Variants in PIGF observed in about 807,000 individuals in gnomAD.
PIGF encodes the protein GPI ethanolamine phosphate transferase, stabilizing subunit.
In PIGF, 23 loss-of-function variants were observed where a neutral mutation model predicts 26.0. The observed-to-expected ratio is 0.88, with a 90% CI of 0.64 to 1.25. The LOEUF is 1.25. Among genes scored for constraint, PIGF ranks in the 50% most tolerant of loss-of-function variants. The pLI is 0.00. For synonymous variants in PIGF, 93 were observed against 92.6 expected (o/e 1.00, Z -0.03); for missense variants, 278 against 249.9 (o/e 1.11, Z -0.76).
rs149499692 is a variant in PIGF at position 46,614,941 on chromosome 2, T to C, written c.224A>G (p.His75Arg). The change falls in exon 2 of 6, where the codon CAC (histidine) becomes CGC (arginine). Residue 75 changes from histidine to arginine, a missense_variant. Physicochemically the swap from His to Arg is conservative, Grantham distance 29 (BLOSUM62 0). Coordinates refer to ENST00000281382, the MANE Select transcript of PIGF (RefSeq NM_002643.4). The part of the protein sequence containing the change: ...NTSSKRSSLS[H>R]KVTGFLKCCI... The stretch of plus-strand genomic sequence containing the variant: ...TTATTGAGACATAAGCCTTACCTTG[T>C]GTGATAATGAACTTCTTTTAGAGGA... 2.0e-4 allele frequency: 276 copies of C among 1,406,506 alleles called. No individual in the cohort carries two copies. In the African/African-American group the frequency reaches 3.2e-3, roughly 16 times the overall value. The allele number at this position is 1,406,506 out of a possible 1,614,324, so 87.1% of individuals were successfully genotyped here.
chr2:46,610,482 T>C (rs144889265), intron 4 of PIGF, among the ~76,000 whole-genome samples: 2 of 151,992 alleles, frequency 1.3e-5, no homozygotes, highest in Non-Finnish European at 2.9e-5. Flanking sequence ...CTAGAGACTT[T>C]ATGAATATTA....
chr2:46,592,270 A>G lies in PIGF; in HGVS notation c.546+205T>C, dbSNP rs1210914660. Among the ~76,000 whole-genome samples the G allele has an allele frequency of 3.9e-5, 6 of 152,234 alleles. No individual in the cohort carries two copies. The East Asian group carries it at 9.6e-4, about 24-fold the overall frequency. ...CTACACATGTGCAAAAAATAGTGCT[A>G]GAAGATAAAACCAGGGCTACCTAGA... On this transcript the variant is annotated intron_variant, in intron 5 of 5. Transcript: ENST00000281382.
At chr2:46,603,793 T>G (rs1020903523) in intron 4 of PIGF, among the ~76,000 whole-genome samples, 2 of 151,980 alleles carry the variant, frequency 1.3e-5, no homozygotes, top group African/African-American at 4.8e-5. Flanking sequence ...GGACACTGGA[T>G]TGGGCTAAGA....
intron 4 of PIGF, among the ~76,000 whole-genome samples, chr2:46,602,663 T>C (rs939040144): frequency 6.6e-6 from 1 of 151,904 alleles, no homozygotes; most frequent in Non-Finnish European, 1.5e-5. Flanking sequence ...TCTAAAATCT[T>C]CAGTTGACAC....
chr2:46,598,192 C>T (rs113867840), intron 4 of PIGF, among the ~76,000 whole-genome samples: 2,033 of 151,782 alleles, frequency 0.013, 21 homozygotes, highest in South Asian at 0.035. Context: ...ATTTTGACTG[C>T]CTCCTGTTCA....
chr2:46,597,410 T>G (rs920912569), intron 4 of PIGF, among the ~76,000 whole-genome samples: 3 of 149,832 alleles, frequency 2.0e-5, no homozygotes, highest in Non-Finnish European at 4.5e-5. Flanking sequence ...TTGTGGGGGG[T>G]TTTTTGTTGT....
intron 4 of PIGF, among the ~76,000 whole-genome samples, chr2:46,593,612 TTAG>T (rs1325572240): frequency 1.3e-5 from 2 of 152,210 alleles, no homozygotes; most frequent in Non-Finnish European, 2.9e-5. Flanking sequence ...TGCCATTCTC[TTAG>T]TAGGTGTTAG....
At chr2:46,582,479 A>G (rs917432434) in intron 5 of PIGF, 9 of 152,222 alleles carry the variant, frequency 5.9e-5, no homozygotes, top group Non-Finnish European at 1.3e-4. Flanking sequence ...GCCTTATTGC[A>G]TATGCCATGC....
chr2:46,594,587 G>C (rs982295720), intron 4 of PIGF, among the ~76,000 whole-genome samples: 3 of 151,006 alleles, frequency 2.0e-5, no homozygotes, highest in African/African-American at 7.3e-5. Context: ...CCAGGCTGGA[G>C]TGTAATAGAG....
intron 3 of PIGF, among the ~76,000 whole-genome samples, chr2:46,613,295 A>C (rs1000079284): frequency 3.9e-5 from 6 of 152,202 alleles, no homozygotes; most frequent in African/African-American, 1.4e-4. Context: ...ATTTGAATAC[A>C]GGAATCTATT....
chr2:46,588,320 C>G lies in PIGF; in HGVS notation c.546+4155G>C. 4 of 1,084,316 alleles carry G rather than the reference C, an allele frequency of 3.7e-6. No individual in the cohort carries two copies. Among genetic ancestry groups the G allele is most frequent in the Non-Finnish European group, 5.1e-6 (4 of 779,174 alleles). 67.2% of individuals were successfully genotyped at this position (1,084,316 alleles called of 1,614,324 possible). A position where few individuals can be genotyped will look rare whatever the true frequency, so the allele number is the denominator to read the frequency against. On this transcript the variant is annotated intron_variant, in intron 5 of 5. Coordinates refer to ENST00000281382, the MANE Select transcript of PIGF (RefSeq NM_002643.4). The surrounding 1 kb of genome is among the most constrained non-coding windows in gnomAD (Gnocchi z 4.1). ...TGGGCAGAAAAAATAAAACAACAAA[C>G]TGAGACAATTAACATATTCTCTAAT... is the stretch of plus-strand genomic sequence containing the variant.
intron 4 of PIGF, among the ~76,000 whole-genome samples, chr2:46,605,355 A>G (rs187934657): frequency 6.6e-6 from 1 of 152,246 alleles, no homozygotes; most frequent in East Asian, 1.9e-4. Context: ...TTAACTTCAC[A>G]TTAAATTAAA....
At chr2:46,597,483 G>A (rs905866902) in intron 4 of PIGF, among the ~76,000 whole-genome samples, 1 of 151,914 alleles carries the variant, frequency 6.6e-6, no homozygotes, top group Non-Finnish European at 1.5e-5. Context: ...CACGATCTTG[G>A]CTTACTGCAA....
rs1360190071 is a variant in PIGF at position 46,615,191 on chromosome 2, A to G, written c.-21-6T>C. ...GTGTTTTCTTGGATGGCTAGCTAAC[A>G]AAAAACAAGAAAAGAAGAGCATATG... On this transcript the variant is annotated splice_region_variant and splice_polypyrimidine_tract_variant and intron_variant, in intron 1 of 5. Coordinates refer to ENST00000281382, the MANE Select transcript of PIGF (RefSeq NM_002643.4). 2.7e-6 allele frequency: 3 copies of G among 1,097,612 alleles called. No individual in the cohort carries two copies. In the Admixed American group the frequency reaches 5.5e-5, roughly 20 times the overall value. The allele number at this position is 1,097,612 out of a possible 1,614,324, so 68.0% of individuals were successfully genotyped here.
At chr2:46,590,598 A>C (rs1277117441) in intron 5 of PIGF, among the ~76,000 whole-genome samples, 1 of 152,130 alleles carries the variant, frequency 6.6e-6, no homozygotes, top group African/African-American at 2.4e-5. Context: ...AATACTTTCT[A>C]TTTAGATTTA....
intron 2 of PIGF, chr2:46,614,412 A>G (rs1050050155): frequency 1.3e-5 from 2 of 153,976 alleles, no homozygotes; most frequent in Non-Finnish European, 2.9e-5. Flanking sequence ...GTAGAAAATA[A>G]TGTTAAGTGT....
intron 5 of PIGF, among the ~76,000 whole-genome samples, chr2:46,587,505 T>A (rs556392708): frequency 8.0e-4 from 121 of 152,042 alleles, no homozygotes; most frequent in South Asian, 3.1e-3. Flanking sequence ...CTGTTGAGAA[T>A]AAGTACAAAT....
At chr2:46,582,234 T>A (rs999260783) in intron 5 of PIGF, 1 of 152,072 alleles carries the variant, frequency 6.6e-6, no homozygotes, top group African/African-American at 2.4e-5. Context: ...TTAATGTTGA[T>A]TTATTTCATC....
rs558646786 is a variant in PIGF at position 46,596,795 on chromosome 2, C to T, written c.438-4212G>A. Among the ~76,000 whole-genome samples, 39 of 152,260 alleles carry T rather than the reference C, an allele frequency of 2.6e-4. 1 individual carries two copies. The highest frequency in any genetic ancestry group is 8.3e-4 in the South Asian group (4 of 4,830). On this transcript the variant is annotated intron_variant, in intron 4 of 5. Coordinates refer to ENST00000281382, the MANE Select transcript of PIGF (RefSeq NM_002643.4). The stretch of plus-strand genomic sequence containing the variant: ...CACATACACATTTCTCCCTGACTCA[C>T]GCCCCTTCTACAATGGTAACATCTC...
Sources: gnomAD v4.1 joint callset for allele counts (sites outside exome capture counted in the v4.1 genomes callset) on GRCh38, gnomAD v4.1.1 for gene constraint, Gnocchi (gnomAD v3.1) non-coding constraint, MANE v1.5 for transcripts, NCBI Gene and HGNC (gene_info 2026-07-23, HGNC 2026-07-21) for gene names.